The following SEPTIN10 variants were observed in gnomAD, a reference collection of about 807,000 sequenced individuals.
SEPTIN10 encodes septin-10.
A neutral mutation model predicts 54.8 loss-of-function variants in SEPTIN10; 66 were observed. The observed-to-expected ratio is 1.21, with a 90% CI of 0.99 to 1.48. The LOEUF (loss-of-function observed/expected upper bound fraction) is 1.48, where lower values mean the gene tolerates loss of function less well. Among genes scored for constraint, SEPTIN10 ranks in the 40% most tolerant of loss-of-function variants. The pLI is 0.00. For missense variants in SEPTIN10, 620 were observed against 545.6 expected, an observed-to-expected ratio of 1.14 and a Z score of -1.36; for synonymous variants, 161 against 181.0, an observed-to-expected ratio of 0.89 and a Z score of 0.89.
Position 109,553,085 on chromosome 2 carries a change from G to C in SEPTIN10, c.1161+2C>G. ...CAAATCACATCAAACCAGCATACTT[G>C]CCTCTCTCTCAGCTTCTTTCAATAT... On this transcript the variant is annotated splice_donor_variant, in intron 9 of 10. Transcript: ENST00000397712. LOFTEE classifies it high-confidence loss of function. 6.2e-7 allele frequency: 1 copy of C among 1,611,296 alleles called. No homozygotes were observed. Among genetic ancestry groups the C allele is most frequent in the South Asian group, 1.1e-5 (1 of 90,554 alleles).
At chr2:109,593,180 T>C in intron 1 of SEPTIN10, 61 bp from the exon 2 acceptor site, 5 of 1,089,822 alleles carry the variant, frequency 4.6e-6, no homozygotes, top group South Asian at 1.7e-5. Flanking sequence ...AACCCCATTA[T>C]CTGAATAATA....
rs1681245286 is a variant in SEPTIN10, at chr2:109,546,356, AATCTTT to A, written c.1162-125_1162-120del. The A allele has an allele frequency of 1.5e-5, 8 of 534,020 alleles. No individual in the cohort carries two copies. In the East Asian group the frequency reaches 2.5e-4, roughly 17 times the overall value. The allele number at this position is 534,020 out of a possible 1,614,324, so 33.1% of individuals were successfully genotyped here. On this transcript the variant is annotated intron_variant, in intron 9 of 10. Transcript: ENST00000397712. ...AACACAGAATAACCTACACAGTCAA[AATCTTT>A]CTGAAGTCTCAGAAGTTCATAGTTC... is the stretch of plus-strand genomic sequence containing the variant.
chr2:109,555,451 GT>G (rs1684138164), intron 8 of SEPTIN10, among the ~76,000 whole-genome samples: 1 of 152,112 alleles, frequency 6.6e-6, no homozygotes. Flanking sequence ...AACTTCTTCT[GT>G]AAAGTCTCCC....
chr2:109,592,810 GAAA>G (rs887499702), intron 2 of SEPTIN10, among the ~76,000 whole-genome samples: 1 of 149,772 alleles, frequency 6.7e-6, no homozygotes, highest in Non-Finnish European at 1.5e-5. Context: ...AAAAGAAACA[GAAA>G]AAAAAATTTC....
chr2:109,596,080 A>G (rs574649433), intron 1 of SEPTIN10, among the ~76,000 whole-genome samples: 14 of 152,276 alleles, frequency 9.2e-5, no homozygotes, highest in African/African-American at 3.4e-4. Flanking sequence ...TGCTTAAGCT[A>G]GAGTGCAGTG....
intron 10 of SEPTIN10, chr2:109,545,345 C>T: frequency 6.7e-7 from 1 of 1,494,652 alleles, no homozygotes; most frequent in Non-Finnish European, 8.9e-7. Context: ...GAAAAATAAA[C>T]TTATTTTCTA....
Position 109,585,721 on chromosome 2 carries a change from C to A in SEPTIN10, c.217G>T (p.Gly73Trp), listed in dbSNP as rs1692348499. The A allele has an allele frequency of 2.5e-6, 4 of 1,604,694 alleles. No homozygotes were observed. The East Asian group carries it at 6.7e-5, about 27-fold the overall frequency. Reference sequence around the variant, plus strand: ...TAGAGGAAGAGTAGGTGGCACGTACCCACACAGAGAATATTAAAGCAGAAA... The same window carrying A: ...TAGAGGAAGAGTAGGTGGCACGTACACACACAGAGAATATTAAAGCAGAAA... ...QGFCFNILCVGETGIGKSTLI... is the reference protein window; with the variant it reads ...QGFCFNILCVWETGIGKSTLI... Residue 73 changes from glycine (G) to tryptophan (W), a missense_variant and splice_region_variant, in exon 3 of 11, where the codon GGG becomes TGG. Gly to Trp is a radical substitution (Grantham distance 184). Transcript: ENST00000397712.
At chr2:109,582,265 A>G (rs1691373040) in intron 4 of SEPTIN10, among the ~76,000 whole-genome samples, 2 of 152,184 alleles carry the variant, frequency 1.3e-5, no homozygotes, top group South Asian at 4.1e-4. Context: ...AAGAATCAAT[A>G]TAGTTAAAAC....
intron 9 of SEPTIN10, among the ~76,000 whole-genome samples, chr2:109,552,045 G>A (rs781488326): frequency 2.0e-5 from 3 of 152,156 alleles, no homozygotes; most frequent in African/African-American, 7.2e-5. Context: ...CCTGAGCTCC[G>A]CCTACTGTCA....
At chr2:109,596,477 C>T (rs528299349) in intron 1 of SEPTIN10, among the ~76,000 whole-genome samples, 2 of 151,910 alleles carry the variant, frequency 1.3e-5, no homozygotes, top group Admixed American at 6.6e-5. Flanking sequence ...ATTAGCCGAG[C>T]GTGCTGGCAG....
rs1199578081 is a variant in SEPTIN10, at chr2:109,570,634, G to C, written c.601-2658C>G. On this transcript the variant is annotated intron_variant, in intron 5 of 10. Coordinates refer to ENST00000397712, the MANE Select transcript of SEPTIN10 (RefSeq NM_144710.5). ...CCGCCTCCCAAGTTCAAGCAATTCT[G>C]CCTCAGCCTCCCGAGTAGCTGGGAT... Among the ~76,000 whole-genome samples the C allele has an allele frequency of 3.7e-5, 5 of 133,396 alleles. No individual in the cohort carries two copies. The Admixed American group carries it at 5.1e-4, about 14-fold the overall frequency. 87.5% of individuals were successfully genotyped at this position (133,396 alleles called of 152,430 possible). A position where few individuals can be genotyped will look rare whatever the true frequency, so the allele number is the denominator to read the frequency against.
rs1416320640 is a variant in SEPTIN10 at position 109,544,050 on chromosome 2, T to C, written c.*259A>G. On this transcript the variant is annotated 3_prime_UTR_variant, in exon 11 of 11. Coordinates refer to ENST00000397712, the MANE Select transcript of SEPTIN10 (RefSeq NM_144710.5). ...TTTTCCACTTGTGGGGTCAAGTCAGTGCTCAAAAAGATTCAGATTTTGAAG... is the reference window on the plus strand; with the variant it reads ...TTTTCCACTTGTGGGGTCAAGTCAGCGCTCAAAAAGATTCAGATTTTGAAG... 1.8e-6 allele frequency: 2 copies of C among 1,106,054 alleles called. No homozygotes were observed. The highest frequency in any genetic ancestry group is 2.6e-6 in the Non-Finnish European group (2 of 774,242). The allele number at this position is 1,106,054 out of a possible 1,614,324, so 68.5% of individuals were successfully genotyped here. A position where few individuals can be genotyped will look rare whatever the true frequency, so the allele number is the denominator to read the frequency against.
At chr2:109,613,288 G>A (rs1440802564) in intron 1 of SEPTIN10, 1 of 766,446 alleles carries the variant, frequency 1.3e-6, no homozygotes. Flanking sequence ...GAGTCAAGGC[G>A]GGAAAAAAAC....
chr2:109,553,332 G>A, intron 8 of SEPTIN10, 113 bp from the exon 9 acceptor site: 1 of 1,041,470 alleles, frequency 9.6e-7, no homozygotes, highest in Non-Finnish European at 1.4e-6. Context: ...ATCACCTAAG[G>A]TCAGGAGTCC....
intron 8 of SEPTIN10, among the ~76,000 whole-genome samples, chr2:109,560,649 G>A (rs774972969): frequency 3.9e-5 from 6 of 152,112 alleles, no homozygotes; most frequent in Non-Finnish European, 8.8e-5. Flanking sequence ...TGCTGTTTCA[G>A]AGGAAACTCA....
At chr2:109,560,129 C>T (rs1017044056) in intron 8 of SEPTIN10, among the ~76,000 whole-genome samples, 5 of 152,046 alleles carry the variant, frequency 3.3e-5, no homozygotes, top group Non-Finnish European at 7.4e-5. Flanking sequence ...ACCGTGTTAG[C>T]CAGGATAGTC....
At chr2:109,597,844 G>T (rs1193581350) in intron 1 of SEPTIN10, among the ~76,000 whole-genome samples, 2 of 152,144 alleles carry the variant, frequency 1.3e-5, no homozygotes, top group Non-Finnish European at 2.9e-5. Flanking sequence ...CAGGCAATGT[G>T]ACAGACACAC....
At chr2:109,550,344 G>A (rs556402177) in intron 9 of SEPTIN10, among the ~76,000 whole-genome samples, 67 of 150,192 alleles carry the variant, frequency 4.5e-4, no homozygotes, top group South Asian at 1.5e-3. Context: ...ACGGATTCTC[G>A]CTCTGTTGCC....
chr2:109,601,119 T>C (rs1228444695), intron 1 of SEPTIN10, among the ~76,000 whole-genome samples: 1 of 152,198 alleles, frequency 6.6e-6, no homozygotes, highest in African/African-American at 2.4e-5. Flanking sequence ...GCATGGTTGA[T>C]TAACCACTGG....
Sources: allele counts gnomAD v4.1 joint callset (sites outside exome capture counted in the v4.1 genomes callset), GRCh38; gene constraint gnomAD v4.1.1; transcripts MANE v1.5; gene names NCBI Gene and HGNC (gene_info 2026-07-23, HGNC 2026-07-21).